MEGF6: variants seen among roughly 807,000 people sequenced by gnomAD.
MEGF6 encodes multiple EGF like domains 6.
Under a neutral mutation model 207.1 loss-of-function variants are expected in MEGF6, and 184 were observed. The ratio of observed to expected loss-of-function variants is 0.89; its 90% confidence interval spans 0.79 to 1.00. The LOEUF (loss-of-function observed/expected upper bound fraction) is 1.00. MEGF6 is among the 50% of genes least tolerant of loss of function. The probability of loss-of-function intolerance (pLI) is 0.00; values close to 1 mark genes in which losing one functional copy is unlikely to be tolerated. For missense variants in MEGF6, 2,282 were observed against 2,202.9 expected (o/e 1.04, Z -0.72); for synonymous variants, 1,038 against 910.0 (o/e 1.14, Z -2.53).
chr1:3,529,353 G>T (rs775910255), intron 4 of MEGF6, among the ~76,000 whole-genome samples: 1 of 152,184 alleles, frequency 6.6e-6, no homozygotes, highest in Non-Finnish European at 1.5e-5. Context: ...CAGGGACAAC[G>T]GCCCACCCTG....
chr1:3,524,744 C>A (rs56701664), intron 4 of MEGF6, among the ~76,000 whole-genome samples: 7,435 of 152,236 alleles, frequency 0.049, 612 homozygotes, highest in African/African-American at 0.17. Context: ...CCATCTGGAG[C>A]CTTCCAGTGA....
rs778394518 is a variant in MEGF6 at position 3,565,208 on chromosome 1, C to T, written c.481+14617G>A. Among the ~76,000 whole-genome samples, 44 of 152,076 alleles carry T rather than the reference C, an allele frequency of 2.9e-4. No individual in the cohort carries two copies. Among genetic ancestry groups the T allele is most frequent in the Non-Finnish European group, 4.7e-4 (32 of 68,020 alleles). ...CTCGTCCTCTCTCCCACTGTGTCCC[C>T]GAGGCCTGGGCAGTTGGGCGTCCCC... On this transcript the variant is annotated intron_variant, in intron 4 of 36. Coordinates refer to ENST00000356575, the MANE Select transcript of MEGF6 (RefSeq NM_001409.4). The surrounding 1 kb of genome is among the most constrained non-coding windows in gnomAD (Gnocchi z 4.8).
chr1:3,565,369 C>T lies in MEGF6; in HGVS notation c.481+14456G>A, dbSNP rs142016601. ...TTCCCTTCCTAGCTGGACCTTAAAA[C>T]CCCCCGGGTCCTGGTGCCTGCTCTG... On this transcript the variant is annotated intron_variant, in intron 4 of 36. Coordinates refer to ENST00000356575, the MANE Select transcript of MEGF6 (RefSeq NM_001409.4). This position sits in a 1 kb window ranked among gnomAD's most constrained non-coding sequence, Gnocchi z 4.8. 6.6e-6 allele frequency among the ~76,000 whole-genome samples: 1 copy of T among 151,628 alleles called. No homozygotes were observed. The highest frequency in any genetic ancestry group is 2.4e-5 in the African/African-American group (1 of 40,928).
chr1:3,532,014 G>A (rs2101400001), intron 4 of MEGF6, among the ~76,000 whole-genome samples: 1 of 152,354 alleles, frequency 6.6e-6, no homozygotes, highest in East Asian at 1.9e-4. Flanking sequence ...CCCCATACTT[G>A]GAGGGAGCCT....
intron 3 of MEGF6, among the ~76,000 whole-genome samples, chr1:3,581,086 C>T (rs568354137): frequency 2.0e-4 from 31 of 152,294 alleles, no homozygotes; most frequent in African/African-American, 6.7e-4. Flanking sequence ...GGCTCAGAGA[C>T]TTCATTACCT....
At chr1:3,611,830 A>C (rs895318732), upstream of MEGF6, among the ~76,000 whole-genome samples, 2 of 148,974 alleles carry the variant, frequency 1.3e-5, no homozygotes, top group Non-Finnish European at 3.0e-5. Flanking sequence ...TGCTCGTCTC[A>C]TGCGGAAAGT....
intron 7 of MEGF6, among the ~76,000 whole-genome samples, chr1:3,514,082 T>A (rs72853528): frequency 0.7 from 106,276 of 151,590 alleles, 37,993 homozygotes; most frequent in East Asian, 0.88. Flanking sequence ...CCCCATCTCT[T>A]CTAAAAATAC....
At chr1:3,515,270 T>A in intron 6 of MEGF6, 132 bp downstream of exon 6, 1 of 1,107,942 alleles carries the variant, frequency 9.0e-7, no homozygotes, top group Non-Finnish European at 1.3e-6. Context: ...TGGCCCCAAA[T>A]GTGCCATCCC....
intron 4 of MEGF6, among the ~76,000 whole-genome samples, chr1:3,546,030 T>C (rs1642693347): frequency 6.6e-6 from 1 of 152,024 alleles, no homozygotes; most frequent in African/African-American, 2.4e-5. Context: ...TGACAGTAAG[T>C]GTCTGACCGG....
At chr1:3,513,222 TTTA>T in intron 7 of MEGF6, among the ~76,000 whole-genome samples, 1 of 152,254 alleles carries the variant, frequency 6.6e-6, no homozygotes, top group East Asian at 1.9e-4. Flanking sequence ...TATTTATTTA[TTTA>T]TTTTTAGACA....
intron 4 of MEGF6, among the ~76,000 whole-genome samples, chr1:3,547,796 C>T (rs1406502822): frequency 3.3e-5 from 5 of 152,200 alleles, no homozygotes; most frequent in East Asian, 1.9e-4. Flanking sequence ...TCCCGGGGTG[C>T]GCCTCTGCCT....
At position 3,512,081 on chromosome 1, in the gene MEGF6, G is replaced by T; in HGVS notation, c.901C>A (p.Leu301Ile). ...AGLAQCAHGC[L>I]NTQGSFKCVC... ...CACTTGAAGGACCCCTGGGTGTTGA[G>T]GCAGCCATGGGCACACTGGGCCAGC... Residue 301 changes from leucine to isoleucine, a missense_variant, in exon 8 of 37, where the codon CTC becomes ATC. Transcript: ENST00000356575. 1 of 1,612,210 alleles carries T rather than the reference G, an allele frequency of 6.2e-7. No homozygotes were observed. Among genetic ancestry groups the T allele is most frequent in the Non-Finnish European group, 8.5e-7 (1 of 1,179,532 alleles).
chr1:3,593,839 C>A (rs1262398302), intron 3 of MEGF6, among the ~76,000 whole-genome samples: 1 of 152,222 alleles, frequency 6.6e-6, no homozygotes, highest in Non-Finnish European at 1.5e-5. Flanking sequence ...ACCCCCCTCC[C>A]TGCTGCCAGC....
At chr1:3,523,074 C>CGG (rs146272853) in intron 5 of MEGF6, among the ~76,000 whole-genome samples, 44,311 of 147,342 alleles carry the variant, frequency 0.3, 6,971 homozygotes, top group Non-Finnish European at 0.37. Flanking sequence ...GAGTGTGTGC[C>CGG]GGGGGGGGGG....
At chr1:3,548,671 G>T (rs1335320743) in intron 4 of MEGF6, among the ~76,000 whole-genome samples, 1 of 152,196 alleles carries the variant, frequency 6.6e-6, no homozygotes, top group Non-Finnish European at 1.5e-5. Context: ...CTGGGAGGGC[G>T]GTGTCCAGGC....
intron 4 of MEGF6, 74 bp from the exon 5 acceptor site, chr1:3,524,320 G>GCCGGGGGCCCAGACCCAGGTC (rs1641880239): frequency 1.9e-6 from 3 of 1,563,624 alleles, no homozygotes; most frequent in Admixed American, 1.7e-5. Context: ...CCCCCCAGGT[G>GCCGGGGGCCCAGACCCAGGTC]CCGGGGGCCC....
At chr1:3,566,715 A>G (rs1280531041) in intron 4 of MEGF6, among the ~76,000 whole-genome samples, 1 of 152,122 alleles carries the variant, frequency 6.6e-6, no homozygotes, top group Non-Finnish European at 1.5e-5. Flanking sequence ...GAGGCCACAG[A>G]GTCCAGGTCA....
intron 3 of MEGF6, among the ~76,000 whole-genome samples, chr1:3,593,972 G>A (rs1273331401): frequency 1.3e-5 from 2 of 152,168 alleles, no homozygotes; most frequent in Non-Finnish European, 2.9e-5. Flanking sequence ...GCTGGAGCTC[G>A]GGCCAGGACG....
chr1:3,610,416 G>A, intron 1 of MEGF6, among the ~76,000 whole-genome samples: 1 of 152,010 alleles, frequency 6.6e-6, no homozygotes, highest in East Asian at 1.9e-4. Flanking sequence ...CCTGGCCCTC[G>A]CCCACCCACC....
Sources: allele counts gnomAD v4.1 joint callset (sites outside exome capture counted in the v4.1 genomes callset), GRCh38; gene constraint gnomAD v4.1.1; non-coding constraint Gnocchi (gnomAD v3.1); transcripts MANE v1.5; gene names NCBI Gene and HGNC (gene_info 2026-07-23, HGNC 2026-07-21).